GPR158: variants seen among roughly 807,000 people sequenced by gnomAD.
GPR158 encodes the protein metabotropic glycine receptor.
A neutral mutation model predicts 78.2 loss-of-function variants in GPR158; 30 were observed. The ratio of observed to expected loss-of-function variants is 0.38; its 90% confidence interval spans 0.29 to 0.52. The LOEUF (loss-of-function observed/expected upper bound fraction) is 0.52. Ranked by LOEUF, GPR158 falls within the 20% of genes least tolerant of loss-of-function variation. GPR158 has a pLI of 0.83. For synonymous variants in GPR158, 581 were observed against 591.1 expected (o/e 0.98, Z 0.25); for missense variants, 1,463 against 1,523.5 (o/e 0.96, Z 0.66).
intron 2 of GPR158, among the ~76,000 whole-genome samples, chr10:25,285,348 G>A (rs1395437772): frequency 6.6e-6 from 1 of 152,086 alleles, no homozygotes; most frequent in Non-Finnish European, 1.5e-5. Flanking sequence ...AGGAGATTTA[G>A]TGGGGGGATT....
chr10:25,594,661 A>G (rs986606382), intron 9 of GPR158, among the ~76,000 whole-genome samples: 5 of 152,104 alleles, frequency 3.3e-5, no homozygotes, highest in African/African-American at 9.7e-5. Flanking sequence ...TTTAATTATT[A>G]TGGGTTCATT....
Position 25,404,493 on chromosome 10 carries a change from G to A in GPR158, c.1112-7757G>A, listed in dbSNP as rs191484400. 5.3e-5 allele frequency among the ~76,000 whole-genome samples: 8 copies of A among 152,082 alleles called. No homozygotes were observed. The East Asian group carries it at 1.5e-3, about 29-fold the overall frequency. On this transcript the variant is annotated intron_variant, in intron 3 of 10. Coordinates refer to ENST00000376351, the MANE Select transcript of GPR158 (RefSeq NM_020752.3). ...CCAACGATTTATTTCCCATAGAATC[G>A]TTTTGAGTTACATTCAGTTTTCAAC... is the stretch of plus-strand genomic sequence containing the variant.
intron 2 of GPR158, among the ~76,000 whole-genome samples, chr10:25,253,574 A>C (rs976619276): frequency 4.6e-5 from 7 of 152,220 alleles, no homozygotes; most frequent in Non-Finnish European, 1.0e-4. Context: ...TGACACAGGC[A>C]GAATATAATT....
chr10:25,285,066 TTGTGTG>T (rs149094801), intron 2 of GPR158, among the ~76,000 whole-genome samples: 2 of 149,046 alleles, frequency 1.3e-5, no homozygotes, highest in African/African-American at 2.5e-5. Flanking sequence ...GTTCTATTCA[TTGTGTG>T]TGTGTGTGTG....
At position 25,246,260 on chromosome 10, in the gene GPR158, A is replaced by G. The variant is rs553252539; in HGVS notation, c.1008+25103A>G. Reference sequence around the variant, plus strand: ...AGTCACTGTAGAATACAAGCCACAGAAATATAAATATTATCCTGGAAAGCC... The same window carrying G: ...AGTCACTGTAGAATACAAGCCACAGGAATATAAATATTATCCTGGAAAGCC... On this transcript the variant is annotated intron_variant, in intron 2 of 10. Transcript: ENST00000376351. 1.2e-4 allele frequency among the ~76,000 whole-genome samples: 19 copies of G among 152,348 alleles called. No individual in the cohort carries two copies. In the South Asian group the frequency reaches 3.9e-3, roughly 32 times the overall value.
intron 2 of GPR158, among the ~76,000 whole-genome samples, chr10:25,256,982 G>T (rs185405766): frequency 2.8e-4 from 42 of 152,298 alleles, no homozygotes; most frequent in African/African-American, 9.1e-4. Context: ...GTACAGATTA[G>T]TGGATAGATT....
intron 2 of GPR158, among the ~76,000 whole-genome samples, chr10:25,332,907 T>A (rs1304824048): frequency 1.3e-5 from 2 of 152,154 alleles, no homozygotes; most frequent in East Asian, 3.9e-4. Context: ...AGCATTGGCA[T>A]CTGAAAAAGA....
At chr10:25,396,369 T>A (rs901038388) in intron 3 of GPR158, among the ~76,000 whole-genome samples, 8 of 152,194 alleles carry the variant, frequency 5.3e-5, no homozygotes, top group African/African-American at 7.2e-5. Context: ...TGTTTATATG[T>A]TTTTAATGCT....
chr10:25,326,723 G>T (rs1855039428), intron 2 of GPR158, among the ~76,000 whole-genome samples: 1 of 152,144 alleles, frequency 6.6e-6, no homozygotes, highest in African/African-American at 2.4e-5. Flanking sequence ...TTGTATACTT[G>T]AATATTATTA....
intron 5 of GPR158, among the ~76,000 whole-genome samples, chr10:25,478,152 A>G (rs1365750886): frequency 2.0e-5 from 3 of 152,190 alleles, no homozygotes; most frequent in African/African-American, 7.2e-5. Context: ...TGAGGAACTA[A>G]CCAATAATCT....
At chr10:25,369,293 T>A (rs11592877) in intron 2 of GPR158, among the ~76,000 whole-genome samples, 60,758 of 147,988 alleles carry the variant, frequency 0.41, 13,868 homozygotes, top group Middle Eastern at 0.55. Context: ...AGTATGATAT[T>A]GGCTGTGGGT....
At chr10:25,343,711 C>T (rs1855334137) in intron 2 of GPR158, among the ~76,000 whole-genome samples, 1 of 151,882 alleles carries the variant, frequency 6.6e-6, no homozygotes, top group Admixed American at 6.6e-5. Context: ...TGACAAGCAC[C>T]CCTGACAATT....
intron 2 of GPR158, among the ~76,000 whole-genome samples, chr10:25,263,607 T>C (rs1157787140): frequency 2.0e-5 from 3 of 152,206 alleles, no homozygotes; most frequent in African/African-American, 7.2e-5. Context: ...GTCATATGTA[T>C]GCCTAGAATT....
At chr10:25,541,102 G>T (rs1239530692) in intron 5 of GPR158, among the ~76,000 whole-genome samples, 1 of 151,514 alleles carries the variant, frequency 6.6e-6, no homozygotes, top group Non-Finnish European at 1.5e-5. Context: ...ATATATAAAA[G>T]TTCCTGTTCC....
intron 4 of GPR158, among the ~76,000 whole-genome samples, chr10:25,436,174 A>G (rs1057030513): frequency 6.6e-6 from 1 of 152,264 alleles, no homozygotes; most frequent in African/African-American, 2.4e-5. Context: ...ATAATGTTAT[A>G]GCATAAGTGT....
intron 2 of GPR158, among the ~76,000 whole-genome samples, chr10:25,337,617 T>C (rs1255574332): frequency 6.6e-6 from 1 of 152,078 alleles, no homozygotes; most frequent in African/African-American, 2.4e-5. Context: ...TGTCTTTGAT[T>C]GTATACATAT....
chr10:25,529,547 C>T (rs1379030254), intron 5 of GPR158, among the ~76,000 whole-genome samples: 1 of 152,088 alleles, frequency 6.6e-6, no homozygotes, highest in African/African-American at 2.4e-5. Flanking sequence ...GCCCCCGTTA[C>T]TCAGATATTG....
intron 1 of GPR158, among the ~76,000 whole-genome samples, chr10:25,193,507 T>C (rs1167910283): frequency 6.6e-6 from 1 of 152,140 alleles, no homozygotes; most frequent in African/African-American, 2.4e-5. Context: ...GTTGCTGGAA[T>C]GTAGTGAGAG....
intron 5 of GPR158, among the ~76,000 whole-genome samples, chr10:25,523,958 T>G (rs1836318193): frequency 6.6e-6 from 1 of 152,118 alleles, no homozygotes; most frequent in African/African-American, 2.4e-5. Context: ...AAAAAGATCT[T>G]TAGAACTAAT....
Sources: allele counts gnomAD v4.1 joint callset (sites outside exome capture counted in the v4.1 genomes callset), GRCh38; gene constraint gnomAD v4.1.1; transcripts MANE v1.5; gene names NCBI Gene and HGNC (gene_info 2026-07-23, HGNC 2026-07-21).